Variants in LUZP2 observed in about 807,000 individuals in gnomAD.
The protein encoded by LUZP2 is leucine zipper protein 2.
In LUZP2, 52 loss-of-function variants were observed where a neutral mutation model predicts 51.6. That is an observed-to-expected ratio of 1.01 (90% CI 0.81 to 1.27). The LOEUF (loss-of-function observed/expected upper bound fraction) is 1.27, where lower values mean the gene tolerates loss of function less well. LUZP2 is among the 50% of genes most tolerant of loss of function. The pLI is 0.00. For synonymous variants in LUZP2, 154 were observed against 137.3 expected (o/e 1.12, Z -0.85); for missense variants, 436 against 395.4 (o/e 1.10, Z -0.87).
At chr11:25,059,018 T>G (rs1262566605) in intron 10 of LUZP2, among the ~76,000 whole-genome samples, 4 of 152,222 alleles carry the variant, frequency 2.6e-5, no homozygotes, top group African/African-American at 9.6e-5. Context: ...TATAAAAATT[T>G]TGCTTGTTTT....
intron 1 of LUZP2, among the ~76,000 whole-genome samples, chr11:24,527,567 TCACACA>T (rs1554948856): frequency 3.8e-5 from 5 of 131,560 alleles, no homozygotes; most frequent in Non-Finnish European, 6.6e-5. Flanking sequence ...TCTCTCTCTC[TCACACA>T]CACACACACA....
At chr11:24,797,538 C>A (rs1487131200) in intron 5 of LUZP2, among the ~76,000 whole-genome samples, 1 of 152,122 alleles carries the variant, frequency 6.6e-6, no homozygotes, top group Non-Finnish European at 1.5e-5. Flanking sequence ...GGTCGGAGAG[C>A]AAATGAGTAT....
intron 9 of LUZP2, among the ~76,000 whole-genome samples, chr11:25,033,254 A>C (rs1857748031): frequency 1.3e-5 from 2 of 152,136 alleles, no homozygotes; most frequent in African/African-American, 4.8e-5. Context: ...AGCTTTGAAA[A>C]CTGTATATTA....
chr11:24,697,785 A>G (rs1467550362), intron 1 of LUZP2, among the ~76,000 whole-genome samples: 1 of 152,142 alleles, frequency 6.6e-6, no homozygotes, highest in Non-Finnish European at 1.5e-5. Flanking sequence ...AAGATTTGCA[A>G]CTTCTCTGGT....
At chr11:24,915,781 A>T (rs1379878251) in intron 7 of LUZP2, among the ~76,000 whole-genome samples, 3 of 151,978 alleles carry the variant, frequency 2.0e-5, no homozygotes, top group Non-Finnish European at 4.4e-5. Context: ...AGAGTAACTG[A>T]GGTTCTTGCC....
At chr11:24,754,018 T>C (rs12281099) in intron 4 of LUZP2, among the ~76,000 whole-genome samples, 3,615 of 152,048 alleles carry the variant, frequency 0.024, 142 homozygotes, top group African/African-American at 0.081. Flanking sequence ...ATTTAGACTT[T>C]TGTTTTAACC....
At chr11:24,514,210 T>G (rs1850395485) in intron 1 of LUZP2, among the ~76,000 whole-genome samples, 1 of 151,746 alleles carries the variant, frequency 6.6e-6, no homozygotes, top group South Asian at 2.1e-4. Flanking sequence ...AACTAGTTGG[T>G]TGTGTGTGTG....
chr11:24,994,159 CTTT>C (rs58939086), intron 9 of LUZP2, among the ~76,000 whole-genome samples: 11 of 127,644 alleles, frequency 8.6e-5, no homozygotes, highest in Non-Finnish European at 1.1e-4. Context: ...GCACCTGGCC[CTTT>C]TTTTTTTTTT....
chr11:24,989,254 A>G (rs1251190569), intron 9 of LUZP2, among the ~76,000 whole-genome samples: 1 of 151,946 alleles, frequency 6.6e-6, no homozygotes, highest in Non-Finnish European at 1.5e-5. Context: ...GTCACAGTTT[A>G]GCAAATGGGG....
chr11:24,723,790 C>CG lies in LUZP2; in HGVS notation c.63-5379_63-5378insG, dbSNP rs372991432. Among the ~76,000 whole-genome samples the CG allele has an allele frequency of 2.9e-3, 438 of 152,118 alleles. 1 individual carries two copies. The highest frequency in any genetic ancestry group is 0.01 in the African/African-American group (423 of 41,494). On this transcript the variant is annotated intron_variant, in intron 1 of 11. Transcript: ENST00000336930. ...AGGCTGCAGTGAGCTATGATTACACCATTGCACTCCAGCCTGTGTGAGAGA... is the reference window on the plus strand; with the variant it reads ...AGGCTGCAGTGAGCTATGATTACACCGATTGCACTCCAGCCTGTGTGAGAGA...
At chr11:24,926,334 T>G (rs1854245371) in intron 7 of LUZP2, among the ~76,000 whole-genome samples, 1 of 121,716 alleles carries the variant, frequency 8.2e-6, no homozygotes, top group Non-Finnish European at 1.6e-5. Flanking sequence ...TGTGTATATA[T>G]ATATACGTGT....
chr11:24,951,414 T>C (rs1453811162), intron 7 of LUZP2, among the ~76,000 whole-genome samples: 2 of 151,620 alleles, frequency 1.3e-5, no homozygotes, highest in Non-Finnish European at 3.0e-5. Context: ...GTCCATTAGC[T>C]TAAAGCCAAT....
chr11:24,941,396 C>T (rs1040974672), intron 7 of LUZP2, among the ~76,000 whole-genome samples: 3 of 151,858 alleles, frequency 2.0e-5, no homozygotes, highest in East Asian at 1.9e-4. Context: ...ACTTTAAATA[C>T]GCAAATATAA....
intron 8 of LUZP2, among the ~76,000 whole-genome samples, chr11:24,980,794 G>GGAAGAA (rs1856008211): frequency 6.6e-6 from 1 of 151,586 alleles, no homozygotes; most frequent in African/African-American, 2.4e-5. Flanking sequence ...GTTTCTATAT[G>GGAAGAA]GGTATTTGGA....
chr11:24,608,834 A>C (rs1854022982), intron 1 of LUZP2, among the ~76,000 whole-genome samples: 1 of 152,172 alleles, frequency 6.6e-6, no homozygotes, highest in East Asian at 1.9e-4. Context: ...AAAATAGCAA[A>C]AATTTTGAGG....
chr11:24,931,427 A>G (rs1854449080), intron 7 of LUZP2, among the ~76,000 whole-genome samples: 2 of 152,098 alleles, frequency 1.3e-5, no homozygotes, highest in Non-Finnish European at 2.9e-5. Flanking sequence ...AGAATGAGAG[A>G]CTTGGAAAAG....
intron 5 of LUZP2, among the ~76,000 whole-genome samples, chr11:24,780,082 G>A (rs970433136): frequency 6.6e-6 from 1 of 152,080 alleles, no homozygotes; most frequent in African/African-American, 2.4e-5. Flanking sequence ...ATAAATTTCT[G>A]TTGTTTTGCA....
chr11:24,739,581 A>G (rs980914110), intron 4 of LUZP2, among the ~76,000 whole-genome samples: 11 of 152,106 alleles, frequency 7.2e-5, no homozygotes, highest in Non-Finnish European at 1.3e-4. Flanking sequence ...AGATTTACAG[A>G]AGCTAAAACC....
chr11:24,984,549 T>TATATATGTATAA (rs60530495), intron 9 of LUZP2, among the ~76,000 whole-genome samples: 9 of 71,224 alleles, frequency 1.3e-4, no homozygotes, highest in Non-Finnish European at 2.8e-5. Context: ...TATATATATA[T>TATATATGTATAA]AATTGTGAAT....
Sources: allele counts gnomAD v4.1 joint callset (sites outside exome capture counted in the v4.1 genomes callset), GRCh38; gene constraint gnomAD v4.1.1; transcripts MANE v1.5; gene names NCBI Gene and HGNC (gene_info 2026-07-23, HGNC 2026-07-21).